The following KCNAB2 variants were observed in gnomAD, a reference collection of about 807,000 sequenced individuals.
KCNAB2 encodes the protein voltage-gated potassium channel subunit beta-2.
Under a neutral mutation model 63.6 loss-of-function variants are expected in KCNAB2, and 29 were observed. The observed-to-expected ratio is 0.46, with a 90% confidence interval of 0.34 to 0.62. The LOEUF (loss-of-function observed/expected upper bound fraction) is 0.62, where lower values mean the gene tolerates loss of function less well. Among genes scored for constraint, KCNAB2 ranks in the 20% least tolerant of loss-of-function variants. KCNAB2 has a pLI of 0.01. For synonymous variants in KCNAB2, 222 were observed against 224.2 expected (o/e 0.99, Z 0.09); for missense variants, 359 against 563.9 (o/e 0.64, Z 3.68).
At chr1:5,995,146 C>T (rs1656875234) in intron 1 of KCNAB2, among the ~76,000 whole-genome samples, 1 of 152,268 alleles carries the variant, frequency 6.6e-6, no homozygotes, top group South Asian at 2.1e-4. Flanking sequence ...GGAGGCAGGA[C>T]AGTGGGCAGC....
intron 2 of KCNAB2, among the ~76,000 whole-genome samples, chr1:6,057,699 C>A (rs1489621973): frequency 6.6e-6 from 1 of 152,204 alleles, no homozygotes; most frequent in African/African-American, 2.4e-5. Context: ...CCGAAGGCCC[C>A]AGGGAGGGTC....
At chr1:6,058,338 G>A (rs1317522547) in intron 2 of KCNAB2, among the ~76,000 whole-genome samples, 1 of 152,218 alleles carries the variant, frequency 6.6e-6, no homozygotes, top group Non-Finnish European at 1.5e-5. Flanking sequence ...CAGGCCCCAA[G>A]GATTGACTCA....
chr1:5,995,587 T>C (rs1185788175), intron 1 of KCNAB2, among the ~76,000 whole-genome samples: 1 of 152,184 alleles, frequency 6.6e-6, no homozygotes, highest in African/African-American at 2.4e-5. Context: ...CTGCCTGGCA[T>C]GCAGGCCCTG....
chr1:6,042,838 T>TCTCCACCCCCCCCCCCCCCTC (rs1660608124), upstream of KCNAB2, among the ~76,000 whole-genome samples: 1 of 12,282 alleles, frequency 8.1e-5, no homozygotes, highest in Non-Finnish European at 1.6e-4. Context: ...GCGCCCCCAC[T>TCTCCACCCCCCCCCCCCCCTC]CCCCACCCCC....
chr1:6,068,512 C>T (rs1211141963), intron 2 of KCNAB2, among the ~76,000 whole-genome samples: 1 of 152,200 alleles, frequency 6.6e-6, no homozygotes, highest in African/African-American at 2.4e-5. Flanking sequence ...CCGCCTTATA[C>T]CTGGCCAGGC....
chr1:5,993,337 C>T (rs1281095833), intron 1 of KCNAB2, among the ~76,000 whole-genome samples: 2 of 151,974 alleles, frequency 1.3e-5, no homozygotes, highest in Non-Finnish European at 2.9e-5. Context: ...GACCTCTCCC[C>T]GCGGGCACGC....
Position 6,099,852 on chromosome 1 carries a change from G to A in KCNAB2, c.*1278G>A, listed in dbSNP as rs1665913269. 1 of 1,547,724 alleles carries A rather than the reference G, an allele frequency of 6.5e-7. No homozygotes were observed. ...AGGGGAGAGAGGGCAGGACAGGCCA[G>A]AGTGACGCCCCCGTGCAGCTTGGGC... On this transcript the variant is annotated 3_prime_UTR_variant, in exon 16 of 16. Transcript: ENST00000378083.
intron 10 of KCNAB2, among the ~76,000 whole-genome samples, chr1:6,091,579 G>A (rs1379834417): frequency 6.6e-6 from 1 of 151,536 alleles, no homozygotes; most frequent in East Asian, 1.9e-4. Flanking sequence ...GCTCCGCGGC[G>A]GCCGGGGGTC....
At chr1:6,047,133 G>A (rs1045279227) in intron 1 of KCNAB2, among the ~76,000 whole-genome samples, 7 of 152,196 alleles carry the variant, frequency 4.6e-5, no homozygotes, top group African/African-American at 7.2e-5. Context: ...TCAGGGCTCA[G>A]AGACCCTCAC....
At chr1:6,062,712 A>G (rs1346606545) in intron 2 of KCNAB2, among the ~76,000 whole-genome samples, 1 of 152,238 alleles carries the variant, frequency 6.6e-6, no homozygotes, top group African/African-American at 2.4e-5. Context: ...TCAAAGGCAG[A>G]GAAACAGGAA....
At chr1:6,020,698 G>T (rs1043061782) in intron 1 of KCNAB2, among the ~76,000 whole-genome samples, 1 of 152,130 alleles carries the variant, frequency 6.6e-6, no homozygotes, top group Non-Finnish European at 1.5e-5. Context: ...ACGGAGTCTC[G>T]CTCTGTCACC....
At position 6,073,005 on chromosome 1, in the gene KCNAB2, G is replaced by A. The variant is rs1663347077; in HGVS notation, c.262+207G>A. On this transcript the variant is annotated intron_variant, in intron 3 of 15. Coordinates refer to ENST00000378083, the MANE Select transcript of KCNAB2 (RefSeq NM_001199862.2). This position sits in a 1 kb window ranked among gnomAD's most constrained non-coding sequence, Gnocchi z 5.7. Reference sequence around the variant, plus strand: ...TGGGAGGGGGGCTGGGATAGAGGGAGAGAGACACAGTCTCAGCAGAGGAGG... The same window carrying A: ...TGGGAGGGGGGCTGGGATAGAGGGAAAGAGACACAGTCTCAGCAGAGGAGG... Among the ~76,000 whole-genome samples, 1 of 152,052 alleles carries A rather than the reference G, an allele frequency of 6.6e-6. No homozygotes were observed. Among genetic ancestry groups the A allele is most frequent in the Non-Finnish European group, 1.5e-5 (1 of 67,996 alleles).
At chr1:6,056,944 T>C (rs1661882419) in intron 2 of KCNAB2, among the ~76,000 whole-genome samples, 1 of 151,562 alleles carries the variant, frequency 6.6e-6, no homozygotes, top group Non-Finnish European at 1.5e-5. Context: ...TCACCCCTCC[T>C]CCATCTCGGT....
intron 1 of KCNAB2, among the ~76,000 whole-genome samples, chr1:6,023,551 CG>C (rs1260408059): frequency 6.6e-6 from 1 of 152,134 alleles, no homozygotes; most frequent in African/African-American, 2.4e-5. Context: ...TGGTTACTGA[CG>C]TTGAGCACCT....
At chr1:6,010,006 G>C (rs1658063489) in intron 1 of KCNAB2, among the ~76,000 whole-genome samples, 2 of 151,892 alleles carry the variant, frequency 1.3e-5, no homozygotes, top group Non-Finnish European at 2.9e-5. Flanking sequence ...GTGTAGCTGG[G>C]ATTACAGGCA....
chr1:6,063,900 C>G (rs528529539), intron 2 of KCNAB2, among the ~76,000 whole-genome samples: 1 of 152,100 alleles, frequency 6.6e-6, no homozygotes, highest in Admixed American at 6.5e-5. Flanking sequence ...ACATAGCTAG[C>G]GGGGGGATTG....
chr1:6,002,743 G>C lies in KCNAB2; in HGVS notation c.-53+9955G>C, dbSNP rs535732782. Among the ~76,000 whole-genome samples, 313 of 152,292 alleles carry C rather than the reference G, an allele frequency of 2.1e-3. 3 individuals carry two copies. Among genetic ancestry groups the C allele is most frequent in the African/African-American group, 7.2e-3 (300 of 41,556 alleles). On this transcript the variant is annotated intron_variant, in intron 1 of 16. Transcript: ENST00000341524. Reference sequence around the variant, plus strand: ...AGGGGAGCTGAAGGGCTACGGCCCTGCCAGGACTGGGAGGTACTGGGAGGG... The same window carrying C: ...AGGGGAGCTGAAGGGCTACGGCCCTCCCAGGACTGGGAGGTACTGGGAGGG...
At chr1:6,045,766 C>A (rs1161448951), upstream of KCNAB2, among the ~76,000 whole-genome samples, 1 of 152,170 alleles carries the variant, frequency 6.6e-6, no homozygotes, top group African/African-American at 2.4e-5. This position sits in a 1 kb window ranked among gnomAD's most constrained non-coding sequence, Gnocchi z 4.8. Flanking sequence ...CCCCTTTCGA[C>A]CTGTGGGTCC....
intron 5 of KCNAB2, among the ~76,000 whole-genome samples, chr1:6,084,600 G>C (rs780182584): frequency 6.6e-6 from 1 of 152,132 alleles, no homozygotes; most frequent in Non-Finnish European, 1.5e-5. Flanking sequence ...CGGATCACTC[G>C]AGATGAGGAG....
Sources: allele counts gnomAD v4.1 joint callset (sites outside exome capture counted in the v4.1 genomes callset), GRCh38; gene constraint gnomAD v4.1.1; non-coding constraint Gnocchi (gnomAD v3.1); transcripts MANE v1.5; gene names NCBI Gene and HGNC (gene_info 2026-07-23, HGNC 2026-07-21).